The following FAM81B variants were observed in gnomAD, a reference collection of about 807,000 sequenced individuals.
FAM81B encodes protein FAM81B.
Under a neutral mutation model 58.7 loss-of-function variants are expected in FAM81B, and 60 were observed. The ratio of observed to expected loss-of-function variants is 1.02; its 90% CI spans 0.83 to 1.27. The LOEUF is 1.27. Among genes scored for constraint, FAM81B ranks in the 50% most tolerant of loss-of-function variants. The probability of loss-of-function intolerance (pLI) is 0.00; values close to 1 mark genes in which losing one functional copy is unlikely to be tolerated. For synonymous variants in FAM81B, 189 were observed against 179.6 expected (o/e 1.05, Z -0.42); for missense variants, 491 against 522.0 (o/e 0.94, Z 0.58).
At chr5:95,444,403 A>C (rs1490881511) in intron 7 of FAM81B, among the ~76,000 whole-genome samples, 2 of 152,218 alleles carry the variant, frequency 1.3e-5, no homozygotes, top group Non-Finnish European at 2.9e-5. Flanking sequence ...AATAAGGAGA[A>C]AGAGTTCTAT....
chr5:95,435,134 G>A (rs546996916), intron 6 of FAM81B, among the ~76,000 whole-genome samples: 7 of 152,346 alleles, frequency 4.6e-5, no homozygotes, highest in African/African-American at 1.7e-4. Context: ...GGCACGGCCT[G>A]TAGAAAGCAT....
chr5:95,426,125 T>TAC (rs1554045025), intron 5 of FAM81B, among the ~76,000 whole-genome samples: 297 of 94,258 alleles, frequency 3.2e-3, no homozygotes, highest in East Asian at 9.4e-3. Flanking sequence ...TATATATATG[T>TAC]ACACATATAT....
At chr5:95,416,862 T>A (rs911572590) in intron 4 of FAM81B, among the ~76,000 whole-genome samples, 4 of 152,072 alleles carry the variant, frequency 2.6e-5, no homozygotes, top group African/African-American at 9.7e-5. Flanking sequence ...GGTAACATAG[T>A]GACACCCTGT....
At chr5:95,410,263 G>A (rs1762372336) in intron 3 of FAM81B, among the ~76,000 whole-genome samples, 1 of 152,206 alleles carries the variant, frequency 6.6e-6, no homozygotes, top group South Asian at 2.1e-4. Context: ...CATACTATGA[G>A]TGGGCCAGGA....
chr5:95,436,866 C>T lies in FAM81B; in HGVS notation c.853C>T (p.Gln285Ter). The change falls in exon 7 of 10, where the codon CAG (glutamine) becomes TAG (stop). Residue 285 changes from glutamine (Q) to a stop codon, truncating the protein, a stop_gained. Transcript: ENST00000283357. LOFTEE classifies it high-confidence loss of function. ...GCAAACCTCGAATTTAAAGATGGTC[C>T]AGGGGGATTATCGCCACGAAATGAA... ...SEQTSNLKMV[Q>*]GDYRHEMNLL... 1 of 1,613,838 alleles carries T rather than the reference C, an allele frequency of 6.2e-7. No homozygotes were observed. Among genetic ancestry groups the T allele is most frequent in the South Asian group, 1.1e-5 (1 of 91,068 alleles).
intron 3 of FAM81B, among the ~76,000 whole-genome samples, chr5:95,407,144 C>A (rs1313825781): frequency 6.6e-6 from 1 of 152,062 alleles, no homozygotes; most frequent in African/African-American, 2.4e-5. Context: ...TCCTAGGCCC[C>A]CACCCCACCA....
intron 4 of FAM81B, among the ~76,000 whole-genome samples, chr5:95,418,533 T>C (rs1232320459): frequency 6.6e-6 from 1 of 152,224 alleles, no homozygotes; most frequent in Admixed American, 6.5e-5. Flanking sequence ...ACAGCCACAG[T>C]GTGTACGATA....
At chr5:95,448,693 AT>A (rs56864403) in intron 9 of FAM81B, 85,393 of 386,242 alleles carry the variant, frequency 0.22, 1,774 homozygotes, top group African/African-American at 0.28. Flanking sequence ...ATTGGTGTGA[AT>A]TTTTTTTTTT....
At chr5:95,445,132 G>A (rs1201506000) in intron 7 of FAM81B, among the ~76,000 whole-genome samples, 2 of 152,116 alleles carry the variant, frequency 1.3e-5, no homozygotes, top group African/African-American at 4.8e-5. Flanking sequence ...AGCAAGAGAG[G>A]CATGTATATG....
At chr5:95,416,594 A>G (rs1214036655) in intron 4 of FAM81B, among the ~76,000 whole-genome samples, 1 of 152,226 alleles carries the variant, frequency 6.6e-6, no homozygotes, top group Non-Finnish European at 1.5e-5. Context: ...CAATTCAACC[A>G]CCAAATGGTG....
At chr5:95,417,804 C>T (rs1005134610) in intron 4 of FAM81B, among the ~76,000 whole-genome samples, 1 of 152,176 alleles carries the variant, frequency 6.6e-6, no homozygotes, top group Non-Finnish European at 1.5e-5. Flanking sequence ...ATACAATCCA[C>T]TTTCACATAC....
At chr5:95,430,437 A>T (rs1327100808) in intron 6 of FAM81B, among the ~76,000 whole-genome samples, 4 of 88,754 alleles carry the variant, frequency 4.5e-5, no homozygotes, top group Non-Finnish European at 8.3e-5. Context: ...CTATGCTTTT[A>T]AAAAAAAAAA....
At chr5:95,440,219 C>G in intron 7 of FAM81B, 1 of 659,152 alleles carries the variant, frequency 1.5e-6, no homozygotes, top group Admixed American at 1.8e-5. Context: ...ACTGGCTTCT[C>G]GGTCTAGCTG....
chr5:95,428,293 A>G (rs1253849376), intron 5 of FAM81B, among the ~76,000 whole-genome samples: 1 of 152,206 alleles, frequency 6.6e-6, no homozygotes, highest in Non-Finnish European at 1.5e-5. Flanking sequence ...AAAATTTGCT[A>G]TAACTCCTAT....
At chr5:95,427,691 T>C (rs1008070778) in intron 5 of FAM81B, among the ~76,000 whole-genome samples, 14 of 152,326 alleles carry the variant, frequency 9.2e-5, no homozygotes, top group Non-Finnish European at 1.9e-4. Flanking sequence ...GTCAAAACAG[T>C]TATTTTATAA....
At chr5:95,392,728 A>C in intron 1 of FAM81B, 66 bp from the exon 2 acceptor site, 1 of 1,378,354 alleles carries the variant, frequency 7.3e-7, no homozygotes, top group Non-Finnish European at 1.0e-6. Context: ...TTAAAAAAAA[A>C]TTAGCAGCAC....
At chr5:95,423,576 T>G (rs1762744542) in intron 5 of FAM81B, among the ~76,000 whole-genome samples, 1 of 150,516 alleles carries the variant, frequency 6.6e-6, no homozygotes, top group African/African-American at 2.5e-5. Context: ...AAAGATAAAT[T>G]TTGTTGATTT....
chr5:95,427,311 C>T (rs535609833), intron 5 of FAM81B, among the ~76,000 whole-genome samples: 1 of 152,254 alleles, frequency 6.6e-6, no homozygotes, highest in South Asian at 2.1e-4. Flanking sequence ...AGGTGCCATT[C>T]TGACAATGAC....
rs150403971 is a variant in FAM81B, at chr5:95,404,311, C to T, written c.293+8136C>T. Among the ~76,000 whole-genome samples, 213 of 152,082 alleles carry T rather than the reference C, an allele frequency of 1.4e-3. 2 individuals are homozygous for T. Among genetic ancestry groups the T allele is most frequent in the African/African-American group, 4.0e-3 (166 of 41,486 alleles). ...AATGGATTTTATATATGGTAGGTAC[C>T]ATTTGGTGATTTTCCAAAAGAACAT... On this transcript the variant is annotated intron_variant, in intron 3 of 9. Transcript: ENST00000283357.
Sources: gnomAD v4.1 joint callset for allele counts (sites outside exome capture counted in the v4.1 genomes callset) on GRCh38, gnomAD v4.1.1 for gene constraint, MANE v1.5 for transcripts, NCBI Gene and HGNC (gene_info 2026-07-23, HGNC 2026-07-21) for gene names.